The following SYNE1 variants were observed in gnomAD, a reference collection of about 807,000 sequenced individuals.
SYNE1 encodes nesprin-1.
In SYNE1, 616 loss-of-function variants were observed where a neutral mutation model predicts 1,111.0. The observed-to-expected ratio is 0.55, with a 90% CI of 0.52 to 0.59. SYNE1 has a LOEUF of 0.59. SYNE1 is among the 20% of genes least tolerant of loss of function. The pLI, the probability that SYNE1 is intolerant of heterozygous loss-of-function variation, is 0.00. For synonymous variants in SYNE1, 3,855 were observed against 3,825.8 expected (o/e 1.01, Z -0.28); for missense variants, 10,006 against 10,417.0 (o/e 0.96, Z 1.72).
chr6:152,433,699 G>A, intron 34 of SYNE1, 96 bp downstream of exon 34: 2 of 1,435,166 alleles, frequency 1.4e-6, no homozygotes, highest in Admixed American at 1.7e-5. Flanking sequence ...TGCAATGAAA[G>A]TCTTGTCCTG....
intron 6 of SYNE1, among the ~76,000 whole-genome samples, chr6:152,517,233 G>A (rs2099116712): frequency 6.6e-6 from 1 of 152,168 alleles, no homozygotes; most frequent in African/African-American, 2.4e-5. Flanking sequence ...TTATGCATTT[G>A]TAATCTAATT....
At chr6:152,176,942 A>G (rs570397079) in intron 129 of SYNE1, among the ~76,000 whole-genome samples, 4 of 152,166 alleles carry the variant, frequency 2.6e-5, no homozygotes, top group Non-Finnish European at 5.9e-5. Flanking sequence ...ATTCTCAGAC[A>G]AATAGTTGCT....
chr6:152,318,261 C>T lies in SYNE1; in HGVS notation c.16392G>A (p.Val5464=). ...TACAGCCATCTAATTCCTCTCCCAG[C>T]ACCTTGATGGTCACCAAAATGAAAG... The part of the protein sequence containing the change: ...NVVQAKTDQK[V]LGEELDGCNS... Residue 5464 remains valine, a splice_region_variant and synonymous_variant, in exon 86 of 146, where the codon GTG becomes GTA. Coordinates refer to ENST00000367255, the MANE Select transcript of SYNE1 (RefSeq NM_182961.4). The T allele has an allele frequency of 6.2e-7, 1 of 1,614,148 alleles. No homozygotes were observed. Among genetic ancestry groups the T allele is most frequent in the Non-Finnish European group, 8.5e-7 (1 of 1,180,008 alleles).
chr6:152,214,919 T>C lies in SYNE1; in HGVS notation c.22333A>G (p.Thr7445Ala). The C allele has an allele frequency of 1.2e-6, 2 of 1,614,154 alleles. No homozygotes were observed. The highest frequency in any genetic ancestry group is 8.5e-7 in the Non-Finnish European group (1 of 1,179,996). The change falls in exon 122 of 146, where the codon ACA (threonine) becomes GCA (alanine). Residue 7445 changes from threonine (T) to alanine (A), a missense_variant. Physicochemically the swap from Thr to Ala is moderately conservative, Grantham distance 58 (BLOSUM62 0). Coordinates refer to ENST00000367255, the MANE Select transcript of SYNE1 (RefSeq NM_182961.4). Reference protein sequence around the residue: ...RHWSLISSQTTERFSKLQSFL... With the variant: ...RHWSLISSQTAERFSKLQSFL... ...TGTTTACTCTACCTGAATCTTTCTG[T>C]AGTCTGAGAGGAGATCAGAGACCAA...
At chr6:152,528,788 G>A (rs560658093) in intron 4 of SYNE1, among the ~76,000 whole-genome samples, 49 of 152,258 alleles carry the variant, frequency 3.2e-4, no homozygotes, top group African/African-American at 1.1e-3. Context: ...AGTTAATAAA[G>A]TTAGTGTTTC....
intron 3 of SYNE1, among the ~76,000 whole-genome samples, chr6:152,594,026 C>T (rs2099574080): frequency 6.6e-6 from 1 of 152,264 alleles, no homozygotes; most frequent in African/African-American, 2.4e-5. Context: ...CCCCCACCCC[C>T]TGCCTCCGCC....
intron 143 of SYNE1, among the ~76,000 whole-genome samples, chr6:152,132,673 G>A (rs2056085556): frequency 6.6e-6 from 1 of 152,144 alleles, no homozygotes; most frequent in East Asian, 1.9e-4. Context: ...CTGCTATTCA[G>A]AGTAGATTGT....
intron 91 of SYNE1, among the ~76,000 whole-genome samples, chr6:152,302,633 C>A (rs1360403017): frequency 6.6e-6 from 1 of 152,102 alleles, no homozygotes; most frequent in Non-Finnish European, 1.5e-5. Flanking sequence ...ATATGGAAAT[C>A]CCAATTTTTA....
chr6:152,415,372 A>G (rs563603326), intron 41 of SYNE1, among the ~76,000 whole-genome samples: 1 of 152,230 alleles, frequency 6.6e-6, no homozygotes, highest in East Asian at 1.9e-4. Flanking sequence ...GTAGAAAATG[A>G]CTCTGCCAAG....
chr6:152,490,700 A>G (rs2098965692), intron 11 of SYNE1, among the ~76,000 whole-genome samples: 1 of 152,104 alleles, frequency 6.6e-6, no homozygotes, highest in Non-Finnish European at 1.5e-5. Context: ...TTTATTGCTC[A>G]CACAAAGCCT....
At chr6:152,570,074 G>T (rs527287749) in intron 3 of SYNE1, among the ~76,000 whole-genome samples, 2 of 152,232 alleles carry the variant, frequency 1.3e-5, no homozygotes, top group Admixed American at 6.5e-5. Context: ...ATTATTTCGT[G>T]TTGTCTAGAC....
At chr6:152,312,699 A>G (rs2095591412) in intron 87 of SYNE1, among the ~76,000 whole-genome samples, 1 of 150,732 alleles carries the variant, frequency 6.6e-6, no homozygotes, top group Admixed American at 6.6e-5. Context: ...CTTGGAAAAT[A>G]TTGAAAATAT....
intron 4 of SYNE1, among the ~76,000 whole-genome samples, chr6:152,538,304 C>A (rs2695260): frequency 0.2 from 29,734 of 152,030 alleles, 3,129 homozygotes; most frequent in Middle Eastern, 0.32. Flanking sequence ...ACCTAAATAA[C>A]CCTCCACAGG....
chr6:152,581,130 C>T (rs528058163), intron 3 of SYNE1, among the ~76,000 whole-genome samples: 2 of 152,190 alleles, frequency 1.3e-5, no homozygotes, highest in Admixed American at 6.5e-5. Context: ...TGTGCAAAGA[C>T]CTGCTTCCCT....
chr6:152,482,051 G>GC (rs1237030030), intron 14 of SYNE1, among the ~76,000 whole-genome samples: 1 of 152,036 alleles, frequency 6.6e-6, no homozygotes, highest in Non-Finnish European at 1.5e-5. Context: ...ATCAGAAAAG[G>GC]CCAAGAGGAA....
intron 116 of SYNE1, 39 bp from the exon 117 acceptor site, chr6:152,224,703 A>C (rs2081044603): frequency 1.9e-6 from 3 of 1,569,304 alleles, no homozygotes; most frequent in Admixed American, 3.3e-5. Flanking sequence ...ATTTCATAAT[A>C]TCTAGAATGA....
chr6:152,314,482 G>A (rs755707977), intron 87 of SYNE1, among the ~76,000 whole-genome samples: 2 of 152,098 alleles, frequency 1.3e-5, no homozygotes, highest in Non-Finnish European at 2.9e-5. Context: ...CGGTTGGGTT[G>A]AGCACACTCC....
chr6:152,292,628 A>G (rs1262235534), intron 95 of SYNE1, among the ~76,000 whole-genome samples: 1 of 152,238 alleles, frequency 6.6e-6, no homozygotes, highest in Non-Finnish European at 1.5e-5. Flanking sequence ...CCTGCTTCCA[A>G]AACTAGAAAG....
At chr6:152,504,250 G>A (rs1240239045) in intron 9 of SYNE1, among the ~76,000 whole-genome samples, 3 of 152,096 alleles carry the variant, frequency 2.0e-5, no homozygotes, top group South Asian at 2.1e-4. Flanking sequence ...AGTGGGGTGG[G>A]GGCAGAGTGG....
Sources: allele counts gnomAD v4.1 joint callset (sites outside exome capture counted in the v4.1 genomes callset), GRCh38; gene constraint gnomAD v4.1.1; transcripts MANE v1.5; gene names NCBI Gene and HGNC (gene_info 2026-07-23, HGNC 2026-07-21).